Variants in NBPF14 observed in about 807,000 individuals in gnomAD.
The protein encoded by NBPF14 is NBPF family member NBPF14.
Under a neutral mutation model 91.2 loss-of-function variants are expected in NBPF14, and 104 were observed. The ratio of observed to expected loss-of-function variants is 1.14; its 90% CI spans 0.97 to 1.34. NBPF14 has a LOEUF of 1.34. Among genes scored for constraint, NBPF14 ranks in the 40% most tolerant of loss-of-function variants. The pLI is 0.00. For missense variants in NBPF14, 908 were observed against 783.0 expected, an observed-to-expected ratio of 1.16 and a Z score of -1.91; for synonymous variants, 294 against 303.8, an observed-to-expected ratio of 0.97 and a Z score of 0.34.
chr1:148,593,867 C>A (rs1441134258), intron 2 of NBPF14, among the ~76,000 whole-genome samples, 167 bp from the exon 3 acceptor site: 2 of 149,486 alleles, frequency 1.3e-5, no homozygotes, highest in Non-Finnish European at 3.0e-5. Context: ...GACTTTCTGG[C>A]ATCTGATCCT....
At chr1:148,566,542 A>ACACAC (rs1658408822) in intron 28 of NBPF14, among the ~76,000 whole-genome samples, 3 of 90,928 alleles carry the variant, frequency 3.3e-5, no homozygotes, top group Admixed American at 1.0e-4. Flanking sequence ...CACACACACA[A>ACACAC]ACACACACAC....
chr1:148,539,286 C>T lies in NBPF14; in HGVS notation c.7882+124G>A, dbSNP rs1171385955. ...CTACAGTTTCTTTACAACCTATATG[C>T]GCCCATAGGTCCTGACTGCGGCAAT... On this transcript the variant is annotated intron_variant, in intron 63 of 70. Coordinates refer to ENST00000619423, the Ensembl canonical transcript of NBPF14. The T allele has an allele frequency of 9.4e-6, 6 of 635,566 alleles. 1 individual carries two copies. Among genetic ancestry groups the T allele is most frequent in the East Asian group, 3.2e-5 (1 of 31,006 alleles). 39.4% of individuals were successfully genotyped at this position (635,566 alleles called of 1,614,324 possible).
exon 15 of NBPF14, chr1:148,577,233 G>C: frequency 1.5e-6 from 1 of 681,036 alleles, no homozygotes; most frequent in Non-Finnish European, 2.7e-6. Flanking sequence ...TACATAAAAG[G>C]CACTTCTGTA....
intron 40 of NBPF14, among the ~76,000 whole-genome samples, chr1:148,557,075 C>A (rs1261232347): frequency 4.0e-5 from 5 of 125,364 alleles, no homozygotes; most frequent in Admixed American, 7.8e-5. Context: ...CACACACACA[C>A]ACACACACAC....
In NBPF14 at chr1:148,533,031, G is replaced by A. The variant is rs782600210; in HGVS notation, c.8941C>T (p.Gln2981Ter). Residue 2981 changes from glutamine (Q) to a stop codon, truncating the protein, a stop_gained, in exon 71 of 71, where the codon CAG (glutamine) becomes TAG (stop). Coordinates refer to ENST00000619423, the Ensembl canonical transcript of NBPF14. LOFTEE classifies it high-confidence loss of function. The stretch of plus-strand genomic sequence containing the variant: ...TATTGTGGGAATATGACTCCCATCT[G>A]GAACACCAGGTGGAGACTTGTCACC... The A allele has an allele frequency of 9.6e-7, 1 of 1,046,646 alleles. No individual in the cohort carries two copies. Among genetic ancestry groups the A allele is most frequent in the Non-Finnish European group, 1.3e-6 (1 of 779,790 alleles). The allele number at this position is 1,046,646 out of a possible 1,614,324, so 64.8% of individuals were successfully genotyped here.
At chr1:148,585,247 C>G in intron 9 of NBPF14, 34 bp from the exon 10 acceptor site, 1 of 1,586,746 alleles carries the variant, frequency 6.3e-7, no homozygotes, top group East Asian at 2.2e-5. Context: ...CAGGTATTTC[C>G]CACTTCACAG....
At chr1:148,578,650 G>A in intron 13 of NBPF14, among the ~76,000 whole-genome samples, 1 of 108,912 alleles carries the variant, frequency 9.2e-6, no homozygotes, top group Non-Finnish European at 1.9e-5. Flanking sequence ...GGTAGACAAG[G>A]GTGACACTGG....
rs1439862332 is a variant in NBPF14 at position 148,575,943 on chromosome 1, T to G, written c.2079-132A>C. ...ACAGATCCATTAATGAGGTAATGAATTATTGCCTTTATGTTGGGATAGACC... is the reference window on the plus strand; with the variant it reads ...ACAGATCCATTAATGAGGTAATGAAGTATTGCCTTTATGTTGGGATAGACC... On this transcript the variant is annotated intron_variant, in intron 16 of 70. Coordinates refer to ENST00000619423, the Ensembl canonical transcript of NBPF14. 1.0e-5 allele frequency: 5 copies of G among 488,882 alleles called. No homozygotes were observed. The East Asian group carries it at 1.9e-4, about 18-fold the overall frequency. 30.3% of individuals were successfully genotyped at this position (488,882 alleles called of 1,614,324 possible). A position where few individuals can be genotyped will look rare whatever the true frequency, so the allele number is the denominator to read the frequency against.
At chr1:148,592,948 C>CTG (rs1662736441) in intron 3 of NBPF14, among the ~76,000 whole-genome samples, 182 bp from the exon 4 acceptor site, 1 of 132,836 alleles carries the variant, frequency 7.5e-6, no homozygotes, top group East Asian at 2.2e-4. Context: ...GGCTTTCCCT[C>CTG]TATCAGAGAG....
At chr1:148,535,017 G>T (rs1445203878) in intron 68 of NBPF14, among the ~76,000 whole-genome samples, 161 bp from the exon 69 acceptor site, 1 of 147,070 alleles carries the variant, frequency 6.8e-6, no homozygotes, top group Non-Finnish European at 1.5e-5. Flanking sequence ...ATAGACCAGG[G>T]CCAGGTAGAA....
In NBPF14 at chr1:148,538,025, G is replaced by C; in HGVS notation, c.7935-19C>G. 2 of 263,366 alleles carry C rather than the reference G, an allele frequency of 7.6e-6. 1 individual carries two copies. The highest frequency in any genetic ancestry group is 1.3e-5 in the Non-Finnish European group (2 of 153,012). The allele number at this position is 263,366 out of a possible 1,614,324, so 16.3% of individuals were successfully genotyped here. A position where few individuals can be genotyped will look rare whatever the true frequency, so the allele number is the denominator to read the frequency against. Reference sequence around the variant, plus strand: ...GCTGAGCCTGGAAAAGGAGGAAAAAGTAAAGAATAAGCCAGGGGAAATCAG... The same window carrying C: ...GCTGAGCCTGGAAAAGGAGGAAAAACTAAAGAATAAGCCAGGGGAAATCAG... On this transcript the variant is annotated intron_variant, in intron 64 of 70. Coordinates refer to ENST00000619423, the Ensembl canonical transcript of NBPF14.
chr1:148,574,472 C>CAT (rs1386324473), intron 18 of NBPF14, among the ~76,000 whole-genome samples: 5 of 21,770 alleles, frequency 2.3e-4, no homozygotes, highest in Non-Finnish European at 1.6e-4. Flanking sequence ...CACACACACA[C>CAT]AGAGAGAGAG....
chr1:148,578,812 C>T (rs1216553597), intron 13 of NBPF14, among the ~76,000 whole-genome samples: 5 of 149,746 alleles, frequency 3.3e-5, no homozygotes, highest in African/African-American at 1.2e-4. Flanking sequence ...TTTGCCACAC[C>T]TGCCTTGAGT....
At chr1:148,534,250 C>T (rs77415543) in intron 69 of NBPF14, among the ~76,000 whole-genome samples, 7 of 151,478 alleles carry the variant, frequency 4.6e-5, no homozygotes, top group South Asian at 2.1e-4. Flanking sequence ...TTCCAATCAA[C>T]GTAAAGCAAA....
Position 148,535,155 on chromosome 1 carries a change from C to T in NBPF14, c.8441+298G>A, listed in dbSNP as rs1294273026. On this transcript the variant is annotated intron_variant, in intron 68 of 70. Transcript: ENST00000619423. ...TCTGAGTTAGTGCCCTCGGGACACA[C>T]AGCGAACAGTGATCATGAAAAGAGG... is the stretch of plus-strand genomic sequence containing the variant. Among the ~76,000 whole-genome samples, 28 of 149,040 alleles carry T rather than the reference C, an allele frequency of 1.9e-4. No homozygotes were observed. In the East Asian group the frequency reaches 4.6e-3, roughly 24 times the overall value.
chr1:148,577,565 CA>C (rs1660092971), intron 14 of NBPF14, among the ~76,000 whole-genome samples: 1 of 150,868 alleles, frequency 6.6e-6, no homozygotes, highest in South Asian at 2.1e-4. Flanking sequence ...CACACACACA[CA>C]CACACACACA....
chr1:148,587,132 C>T lies in NBPF14; in HGVS notation c.1091+169G>A, dbSNP rs1293782407. Among the ~76,000 whole-genome samples the T allele has an allele frequency of 3.4e-5, 5 of 148,726 alleles. 1 individual carries two copies. Among genetic ancestry groups the T allele is most frequent in the Admixed American group, 6.7e-5 (1 of 14,934 alleles). On this transcript the variant is annotated intron_variant, in intron 8 of 70. Coordinates refer to ENST00000619423, the Ensembl canonical transcript of NBPF14. ...CTCTGAGAAACAACTGCAACCCATA[C>T]ATTTTTACTATCCTTCTTCTCTGAT...
rs1386514811 is a variant in NBPF14, at chr1:148,592,891, T to G, written c.279-125A>C. 1.1e-4 allele frequency: 80 copies of G among 699,702 alleles called. 10 individuals are homozygous for G. The highest frequency in any genetic ancestry group is 1.5e-4 in the Non-Finnish European group (65 of 428,844). 43.3% of individuals were successfully genotyped at this position (699,702 alleles called of 1,614,324 possible). On this transcript the variant is annotated intron_variant, in intron 3 of 70. Coordinates refer to ENST00000619423, the Ensembl canonical transcript of NBPF14. Reference sequence around the variant, plus strand: ...CTCCAAGCAGAAGGTCAGCACATGTTGAAAGGAATGACTGTGGCCAAGAGA... The same window carrying G: ...CTCCAAGCAGAAGGTCAGCACATGTGGAAAGGAATGACTGTGGCCAAGAGA...
chr1:148,566,587 T>A (rs1278138446), intron 28 of NBPF14, among the ~76,000 whole-genome samples: 1 of 139,634 alleles, frequency 7.2e-6, no homozygotes, highest in African/African-American at 2.6e-5. Context: ...ATTGTCCAGG[T>A]GACACACTGA....
Sources: gnomAD v4.1 joint callset for allele counts (sites outside exome capture counted in the v4.1 genomes callset) on GRCh38, gnomAD v4.1.1 for gene constraint, MANE v1.5 for transcripts, NCBI Gene and HGNC (gene_info 2026-07-23, HGNC 2026-07-21) for gene names.